TECRL: variants seen among roughly 807,000 people sequenced by gnomAD.
TECRL encodes the protein trans-2,3-enoyl-CoA reductase like.
Under a neutral mutation model 52.8 loss-of-function variants are expected in TECRL, and 63 were observed. The observed-to-expected ratio is 1.19, with a 90% CI of 0.97 to 1.47. The LOEUF (loss-of-function observed/expected upper bound fraction) is 1.47. Ranked by LOEUF, TECRL falls within the 40% of genes most tolerant of loss-of-function variation. The pLI is 0.00. For synonymous variants in TECRL, 164 were observed against 141.9 expected (o/e 1.16, Z -1.10); for missense variants, 482 against 429.6 (o/e 1.12, Z -1.08).
chr4:64,339,516 T>G (rs945721644), intron 2 of TECRL, among the ~76,000 whole-genome samples: 2 of 152,040 alleles, frequency 1.3e-5, no homozygotes, highest in African/African-American at 2.4e-5. Context: ...TAGACTTTAC[T>G]ATCTAATATT....
intron 7 of TECRL, among the ~76,000 whole-genome samples, chr4:64,301,549 C>T (rs553806786): frequency 2.0e-5 from 3 of 151,194 alleles, no homozygotes; most frequent in Non-Finnish European, 4.5e-5. Flanking sequence ...TAGTCTGACC[C>T]AGAAAAGTAC....
chr4:64,402,302 C>T (rs1231758129), intron 1 of TECRL, among the ~76,000 whole-genome samples: 1 of 151,928 alleles, frequency 6.6e-6, no homozygotes, highest in African/African-American at 2.4e-5. Context: ...TGGACTGATA[C>T]ATTTGTAAAA....
chr4:64,406,683 C>A (rs1195179130), intron 1 of TECRL, among the ~76,000 whole-genome samples: 1 of 151,932 alleles, frequency 6.6e-6, no homozygotes, highest in African/African-American at 2.4e-5. Context: ...AAATAAGGGT[C>A]TTGGGGATGA....
intron 2 of TECRL, among the ~76,000 whole-genome samples, chr4:64,364,105 A>T (rs559597637): frequency 5.9e-5 from 9 of 152,188 alleles, no homozygotes; most frequent in Non-Finnish European, 1.2e-4. Flanking sequence ...CACTAAGAAG[A>T]TCTCTCAGAG....
chr4:64,407,484 C>CGTGT (rs1560567459), intron 1 of TECRL, among the ~76,000 whole-genome samples: 1 of 133,258 alleles, frequency 7.5e-6, no homozygotes, highest in Non-Finnish European at 1.6e-5. Context: ...AACTAATTGG[C>CGTGT]ATGTGTGTGT....
At chr4:64,281,316 T>C (rs1722816924) in intron 10 of TECRL, among the ~76,000 whole-genome samples, 158 bp downstream of exon 10, 1 of 151,932 alleles carries the variant, frequency 6.6e-6, no homozygotes, top group Non-Finnish European at 1.5e-5. Flanking sequence ...TTGAAAAAAT[T>C]GTGATTGAAA....
At chr4:64,372,838 CA>C (rs1173301561) in intron 2 of TECRL, among the ~76,000 whole-genome samples, 1 of 150,992 alleles carries the variant, frequency 6.6e-6, no homozygotes, top group Non-Finnish European at 1.5e-5. Flanking sequence ...AATTTGGTGT[CA>C]AAAAGTAAAG....
intron 2 of TECRL, among the ~76,000 whole-genome samples, chr4:64,365,208 T>TAAA (rs61388326): frequency 1.2e-4 from 18 of 146,328 alleles, no homozygotes; most frequent in African/African-American, 4.5e-4. Flanking sequence ...TGCTTCATGT[T>TAAA]AAAAAAAAAA....
At chr4:64,301,062 A>G (rs945362452) in intron 7 of TECRL, among the ~76,000 whole-genome samples, 3 of 150,946 alleles carry the variant, frequency 2.0e-5, no homozygotes, top group African/African-American at 7.3e-5. Flanking sequence ...TTCATAGAAT[A>G]TATATATACA....
At chr4:64,349,758 G>A (rs1720252792) in intron 2 of TECRL, among the ~76,000 whole-genome samples, 1 of 152,082 alleles carries the variant, frequency 6.6e-6, no homozygotes. Context: ...GATAATACAG[G>A]AATTCGACCC....
At chr4:64,329,301 G>A (rs554245263) in intron 2 of TECRL, among the ~76,000 whole-genome samples, 2 of 151,552 alleles carry the variant, frequency 1.3e-5, no homozygotes, top group Admixed American at 6.6e-5. Context: ...TTTACCACAC[G>A]TATAATAAAT....
chr4:64,290,550 G>A (rs1429245739), intron 8 of TECRL, among the ~76,000 whole-genome samples: 1 of 152,050 alleles, frequency 6.6e-6, no homozygotes, highest in Non-Finnish European at 1.5e-5. Flanking sequence ...CAAAAGTTGA[G>A]CACCCATTAA....
At chr4:64,338,996 C>T (rs6551817) in intron 2 of TECRL, among the ~76,000 whole-genome samples, 113,387 of 151,898 alleles carry the variant, frequency 0.75, 46,665 homozygotes, top group East Asian at 0.98. Flanking sequence ...ATGTTTATTG[C>T]GGCACTAGTC....
intron 2 of TECRL, among the ~76,000 whole-genome samples, chr4:64,332,836 T>C (rs988120962): frequency 6.6e-6 from 1 of 152,082 alleles, no homozygotes; most frequent in Non-Finnish European, 1.5e-5. Context: ...GTGTAGGATA[T>C]ATACATGATG....
At chr4:64,359,751 G>T (rs1251706875) in intron 2 of TECRL, among the ~76,000 whole-genome samples, 1 of 151,968 alleles carries the variant, frequency 6.6e-6, no homozygotes, top group Non-Finnish European at 1.5e-5. Flanking sequence ...TTGATCTCCT[G>T]CAATTTTACA....
chr4:64,367,360 C>A (rs1721670978), intron 2 of TECRL, among the ~76,000 whole-genome samples: 2 of 151,976 alleles, frequency 1.3e-5, no homozygotes, highest in Admixed American at 6.6e-5. Flanking sequence ...TGTAACAAAC[C>A]TGCACATGCA....
intron 1 of TECRL, among the ~76,000 whole-genome samples, chr4:64,381,993 T>G (rs1249993357): frequency 6.6e-6 from 1 of 151,794 alleles, no homozygotes; most frequent in Non-Finnish European, 1.5e-5. Context: ...ATTTTTGGAA[T>G]AGTATGAGAA....
chr4:64,395,666 TC>T (rs1315929141), intron 1 of TECRL, among the ~76,000 whole-genome samples: 3 of 152,200 alleles, frequency 2.0e-5, no homozygotes. Flanking sequence ...ATCATTTTTT[TC>T]TATTTAATTT....
intron 1 of TECRL, among the ~76,000 whole-genome samples, chr4:64,395,113 C>T (rs990895813): frequency 1.3e-5 from 2 of 151,760 alleles, no homozygotes; most frequent in Middle Eastern, 3.4e-3. Flanking sequence ...ATTGGCCAGG[C>T]TGGTCTATGT....
Sources: allele counts gnomAD v4.1 joint callset (sites outside exome capture counted in the v4.1 genomes callset), GRCh38; gene constraint gnomAD v4.1.1; transcripts MANE v1.5; gene names NCBI Gene and HGNC (gene_info 2026-07-23, HGNC 2026-07-21).